The following CDH18 variants were observed in gnomAD, a reference collection of about 807,000 sequenced individuals.
The protein encoded by CDH18 is cadherin-18.
In CDH18, 31 loss-of-function variants were observed where a neutral mutation model predicts 67.9. The ratio of observed to expected loss-of-function variants is 0.46; its 90% CI spans 0.34 to 0.62. The LOEUF (loss-of-function observed/expected upper bound fraction) is 0.62. Ranked by LOEUF, CDH18 falls within the 20% of genes least tolerant of loss-of-function variation. The pLI, the probability that CDH18 is intolerant of heterozygous loss-of-function variation, is 0.01. For synonymous variants in CDH18, 362 were observed against 347.2 expected (o/e 1.04, Z -0.48); for missense variants, 890 against 975.5 (o/e 0.91, Z 1.17).
chr5:20,221,459 AG>A (rs1379236522), intron 2 of CDH18, among the ~76,000 whole-genome samples: 1 of 152,110 alleles, frequency 6.6e-6, no homozygotes, highest in Non-Finnish European at 1.5e-5. Flanking sequence ...TAGTTATCAG[AG>A]GCTAGGAAGT....
chr5:20,109,812 A>G (rs1457400786), intron 2 of CDH18, among the ~76,000 whole-genome samples: 1 of 152,214 alleles, frequency 6.6e-6, no homozygotes, highest in Non-Finnish European at 1.5e-5. Context: ...CTAACTTCAA[A>G]GAGGTTTTTG....
intron 1 of CDH18, among the ~76,000 whole-genome samples, chr5:20,292,152 A>T (rs1027041841): frequency 3.3e-5 from 5 of 152,230 alleles, no homozygotes; most frequent in Admixed American, 3.3e-4. Flanking sequence ...GGATGAAGGC[A>T]TTCGCTATTG....
At chr5:19,837,596 T>C (rs1004152504) in intron 3 of CDH18, among the ~76,000 whole-genome samples, 6 of 152,054 alleles carry the variant, frequency 3.9e-5, no homozygotes, top group Admixed American at 3.9e-4. Context: ...ATGATACAAT[T>C]GTTTTAGATC....
intron 5 of CDH18, among the ~76,000 whole-genome samples, chr5:19,697,540 C>A (rs1166616324): frequency 6.6e-6 from 1 of 152,010 alleles, no homozygotes; most frequent in Non-Finnish European, 1.5e-5. Context: ...GCAAAGTTTA[C>A]ACATAAACTC....
At chr5:19,852,866 C>A (rs1202455168) in intron 2 of CDH18, among the ~76,000 whole-genome samples, 2 of 151,992 alleles carry the variant, frequency 1.3e-5, no homozygotes, top group African/African-American at 4.8e-5. Flanking sequence ...CCAGAGCAAC[C>A]GGTGGCCTTC....
intron 3 of CDH18, among the ~76,000 whole-genome samples, chr5:19,832,321 CA>C (rs1187558751): frequency 1.3e-5 from 2 of 151,942 alleles, no homozygotes; most frequent in African/African-American, 4.8e-5. Flanking sequence ...ACTATAGATA[CA>C]AAAATTTCAA....
At chr5:20,003,468 A>C (rs969809886) in intron 2 of CDH18, among the ~76,000 whole-genome samples, 1 of 152,104 alleles carries the variant, frequency 6.6e-6, no homozygotes, top group Non-Finnish European at 1.5e-5. Context: ...CTTCCTAGTA[A>C]TTGTACTATA....
At chr5:20,313,662 A>T (rs1382387323) in intron 1 of CDH18, among the ~76,000 whole-genome samples, 1 of 152,046 alleles carries the variant, frequency 6.6e-6, no homozygotes, top group Non-Finnish European at 1.5e-5. Flanking sequence ...TATGGCTGTT[A>T]TCTGAGTGCC....
chr5:20,408,582 T>A (rs1238295439), intron 1 of CDH18, among the ~76,000 whole-genome samples: 1 of 151,366 alleles, frequency 6.6e-6, no homozygotes, highest in East Asian at 1.9e-4. Flanking sequence ...AAAATGCAAA[T>A]ATAAATTATA....
chr5:19,495,433 G>A (rs937590174), intron 11 of CDH18, among the ~76,000 whole-genome samples: 2 of 152,008 alleles, frequency 1.3e-5, no homozygotes, highest in South Asian at 4.1e-4. Context: ...AACAAAGAGA[G>A]AAGCTTAAAA....
intron 5 of CDH18, among the ~76,000 whole-genome samples, chr5:19,697,037 G>GA (rs1762624111): frequency 6.6e-6 from 1 of 152,158 alleles, no homozygotes; most frequent in African/African-American, 2.4e-5. Context: ...CTCAATGAAT[G>GA]AAACAGTTGA....
intron 1 of CDH18, among the ~76,000 whole-genome samples, chr5:20,361,413 A>C (rs544061396): frequency 6.6e-6 from 1 of 152,234 alleles, no homozygotes; most frequent in South Asian, 2.1e-4. Flanking sequence ...ATATGGTCCA[A>C]TTTAATGTCT....
At chr5:19,997,293 C>A (rs371828160) in intron 2 of CDH18, among the ~76,000 whole-genome samples, 1 of 152,052 alleles carries the variant, frequency 6.6e-6, no homozygotes, top group East Asian at 1.9e-4. Flanking sequence ...AAAAATAGTT[C>A]CACAGAATAT....
intron 1 of CDH18, among the ~76,000 whole-genome samples, chr5:20,451,839 C>T (rs1750472752): frequency 6.6e-6 from 1 of 152,098 alleles, no homozygotes; most frequent in Admixed American, 6.6e-5. Context: ...ATAAGTTTAA[C>T]AGCACCACAA....
intron 2 of CDH18, among the ~76,000 whole-genome samples, chr5:19,844,627 A>C (rs765633555): frequency 2.0e-5 from 3 of 152,184 alleles, no homozygotes; most frequent in Non-Finnish European, 4.4e-5. Flanking sequence ...AAATTTCATC[A>C]GTGACAGAGG....
At position 20,127,069 on chromosome 5, in the gene CDH18, A is replaced by C. The variant is rs537743689; in HGVS notation, c.-518+128375T>G. ...TGTCCCCACCCAAATCTCACATAGA[A>C]TTGCAATCCCCAATGTGGAGAAGGA... On this transcript the variant is annotated intron_variant, in intron 2 of 14. Coordinates refer to the CDH18 transcript ENST00000507958. Among the ~76,000 whole-genome samples, 31 of 152,314 alleles carry C rather than the reference A, an allele frequency of 2.0e-4. No homozygotes were observed. The South Asian group carries it at 6.4e-3, about 32-fold the overall frequency.
chr5:19,622,369 C>T (rs975879393), intron 5 of CDH18, among the ~76,000 whole-genome samples: 10 of 152,166 alleles, frequency 6.6e-5, no homozygotes, highest in Non-Finnish European at 1.5e-4. Flanking sequence ...CCCTTAGGAT[C>T]TTCTCTCTGT....
chr5:19,891,138 T>C (rs558592245), intron 2 of CDH18, among the ~76,000 whole-genome samples: 56 of 152,276 alleles, frequency 3.7e-4, no homozygotes, highest in African/African-American at 1.3e-3. Context: ...CCATTTTACC[T>C]ATCCCTGTTC....
At chr5:19,522,443 A>G (rs925772323) in intron 9 of CDH18, among the ~76,000 whole-genome samples, 2 of 152,184 alleles carry the variant, frequency 1.3e-5, no homozygotes, top group Non-Finnish European at 2.9e-5. Flanking sequence ...GCGGTTAAAG[A>G]GACAAAATGT....
Sources: gnomAD v4.1 joint callset for allele counts (sites outside exome capture counted in the v4.1 genomes callset) on GRCh38, gnomAD v4.1.1 for gene constraint, MANE v1.5 for transcripts, NCBI Gene and HGNC (gene_info 2026-07-23, HGNC 2026-07-21) for gene names.